OSBPL9: variants seen among roughly 807,000 people sequenced by gnomAD.
OSBPL9 encodes oxysterol binding protein like 9.
Under a neutral mutation model 106.6 loss-of-function variants are expected in OSBPL9, and 40 were observed. That is an observed-to-expected ratio of 0.38 (90% CI 0.29 to 0.49). OSBPL9 has a LOEUF of 0.49. OSBPL9 is among the 20% of genes least tolerant of loss of function. The pLI, the probability that OSBPL9 is intolerant of heterozygous loss-of-function variation, is 0.97. For synonymous variants in OSBPL9, 269 were observed against 295.4 expected (o/e 0.91, Z 0.92); for missense variants, 609 against 887.2 (o/e 0.69, Z 3.98).
intron 8 of OSBPL9, among the ~76,000 whole-genome samples, chr1:51,750,604 A>G (rs1392683897): frequency 1.3e-5 from 2 of 152,214 alleles, no homozygotes; most frequent in East Asian, 3.8e-4. Flanking sequence ...TTTTTCTGGT[A>G]GTGAACTACG....
At chr1:51,712,389 G>A (rs1423890506) in intron 3 of OSBPL9, among the ~76,000 whole-genome samples, 1 of 151,968 alleles carries the variant, frequency 6.6e-6, no homozygotes, top group Non-Finnish European at 1.5e-5. Flanking sequence ...GAGGGAGACC[G>A]TGGAAAGAGA....
chr1:51,746,872 A>C, intron 6 of OSBPL9, 115 bp downstream of exon 6: 1 of 778,994 alleles, frequency 1.3e-6, no homozygotes, highest in African/African-American at 1.8e-5. Flanking sequence ...ACCTAGTGTA[A>C]TATTACTGCC....
At chr1:51,667,889 A>G (rs1371289185) in intron 2 of OSBPL9, among the ~76,000 whole-genome samples, 2 of 152,196 alleles carry the variant, frequency 1.3e-5, no homozygotes, top group Admixed American at 6.5e-5. Context: ...CACTTTCCCT[A>G]TTTGAAAATG....
intron 12 of OSBPL9, among the ~76,000 whole-genome samples, chr1:51,769,316 T>C (rs1352084800): frequency 1.3e-5 from 2 of 152,262 alleles, no homozygotes; most frequent in Admixed American, 6.5e-5. Flanking sequence ...AATGATAGCT[T>C]CTGTGTAACT....
Position 51,788,521 on chromosome 1 carries a change from C to A in OSBPL9, c.*732C>A, listed in dbSNP as rs1678239049. On this transcript the variant is annotated 3_prime_UTR_variant, in exon 24 of 24. Transcript: ENST00000428468. ...TTAAACTTGGAAGCCAATTATTTGG[C>A]AACCTTGAATACAAGAGCTAGCTTT... 6.6e-6 allele frequency: 1 copy of A among 152,488 alleles called. No homozygotes were observed. The highest frequency in any genetic ancestry group is 1.5e-5 in the Non-Finnish European group (1 of 68,032). The allele number at this position is 152,488 out of a possible 1,614,324, so 9.4% of individuals were successfully genotyped here.
At chr1:51,530,136 A>C in the OSBPL9 span, among the ~76,000 whole-genome samples, 1 of 129,434 alleles carries the variant, frequency 7.7e-6, no homozygotes, top group Admixed American at 9.3e-5. Flanking sequence ...GTGCCACTGC[A>C]TTCCAGCCTG....
chr1:51,629,207 T>C (rs1436753404), intron 1 of OSBPL9, among the ~76,000 whole-genome samples: 1 of 152,172 alleles, frequency 6.6e-6, no homozygotes, highest in Non-Finnish European at 1.5e-5. Context: ...ATCATCTCGT[T>C]TGATTTTTCA....
At chr1:51,719,421 TAATAGAG>T in intron 4 of OSBPL9, among the ~76,000 whole-genome samples, 1 of 152,096 alleles carries the variant, frequency 6.6e-6, no homozygotes, top group East Asian at 1.9e-4. Context: ...TGATACTGAT[TAATAGAG>T]GGGAACTTTT....
At chr1:51,574,384 C>A (rs552355574), upstream of OSBPL9, among the ~76,000 whole-genome samples, 1 of 152,178 alleles carries the variant, frequency 6.6e-6, no homozygotes, top group Non-Finnish European at 1.5e-5. Flanking sequence ...CTTTAGGAGG[C>A]CAACGTGGGC....
At chr1:51,615,882 G>A (rs187999290), upstream of OSBPL9, among the ~76,000 whole-genome samples, 7 of 151,126 alleles carry the variant, frequency 4.6e-5, no homozygotes, top group Non-Finnish European at 1.0e-4. Flanking sequence ...TATTTTTCTT[G>A]TTTACTTGTT....
chr1:51,539,232 C>T, the OSBPL9 span, among the ~76,000 whole-genome samples: 3 of 152,146 alleles, frequency 2.0e-5, no homozygotes, highest in African/African-American at 4.8e-5. Flanking sequence ...TGCTTCGCCT[C>T]GAGTCCTAAT....
At chr1:51,566,857 T>C in the OSBPL9 span, among the ~76,000 whole-genome samples, 1 of 152,172 alleles carries the variant, frequency 6.6e-6, no homozygotes, top group Non-Finnish European at 1.5e-5. Context: ...GTCTGTTGTG[T>C]CTGCAGCTTC....
chr1:51,586,881 A>G (rs1374386775), intron 1 of OSBPL9, among the ~76,000 whole-genome samples: 1 of 152,116 alleles, frequency 6.6e-6, no homozygotes, highest in Non-Finnish European at 1.5e-5. Flanking sequence ...CACCACTCCA[A>G]GTCCCTCCCA....
chr1:51,730,197 G>C (rs914306688), intron 4 of OSBPL9: 10 of 1,223,006 alleles, frequency 8.2e-6, no homozygotes, highest in African/African-American at 1.6e-5. Context: ...AGATGGGGTG[G>C]AGGCTGAGGT....
chr1:51,742,186 G>A (rs545316505), intron 4 of OSBPL9, among the ~76,000 whole-genome samples: 1 of 152,196 alleles, frequency 6.6e-6, no homozygotes, highest in South Asian at 2.1e-4. Flanking sequence ...CTGCCCTTGT[G>A]GAGTTTTAAT....
intron 1 of OSBPL9, among the ~76,000 whole-genome samples, chr1:51,635,300 A>G (rs1212773078): frequency 6.6e-6 from 1 of 152,166 alleles, no homozygotes; most frequent in Non-Finnish European, 1.5e-5. Context: ...GTATTAAAAA[A>G]AAAAATGTCA....
chr1:51,697,761 A>G (rs1195272355), intron 3 of OSBPL9, among the ~76,000 whole-genome samples: 1 of 150,578 alleles, frequency 6.6e-6, no homozygotes, highest in Non-Finnish European at 1.5e-5. Flanking sequence ...TATGTAATAA[A>G]TGAGCAAAGA....
intron 4 of OSBPL9, among the ~76,000 whole-genome samples, chr1:51,722,488 GTTTAT>G (rs1662345492): frequency 6.6e-6 from 1 of 152,062 alleles, no homozygotes; most frequent in Non-Finnish European, 1.5e-5. Flanking sequence ...TTTTTTAGTA[GTTTAT>G]TTTGCCATTT....
At chr1:51,521,020 T>G in the OSBPL9 span, among the ~76,000 whole-genome samples, 1 of 152,230 alleles carries the variant, frequency 6.6e-6, no homozygotes, top group African/African-American at 2.4e-5. Context: ...TATTAGCACA[T>G]TTGAGCTTCA....
Sources: allele counts gnomAD v4.1 joint callset (sites outside exome capture counted in the v4.1 genomes callset), GRCh38; gene constraint gnomAD v4.1.1; transcripts MANE v1.5; gene names NCBI Gene and HGNC (gene_info 2026-07-23, HGNC 2026-07-21).